BRAF: variants seen among roughly 807,000 people sequenced by gnomAD.
BRAF encodes B-Raf proto-oncogene, serine/threonine kinase.
A neutral mutation model predicts 104.6 loss-of-function variants in BRAF; 16 were observed. That is an observed-to-expected ratio of 0.15 (90% CI 0.10 to 0.23). The LOEUF is 0.23. Among genes scored for constraint, BRAF ranks in the 10% least tolerant of loss-of-function variants. BRAF has a pLI of 1.00. For synonymous variants in BRAF, 310 were observed against 341.6 expected (o/e 0.91, Z 1.02); for missense variants, 541 against 937.3 (o/e 0.58, Z 5.52).
intron 1 of BRAF, among the ~76,000 whole-genome samples, chr7:140,904,678 G>A (rs1405139316): frequency 9.9e-5 from 15 of 152,068 alleles, no homozygotes; most frequent in Admixed American, 9.2e-4. Context: ...GCACGATCTC[G>A]GCTCACTGCA....
intron 17 of BRAF, among the ~76,000 whole-genome samples, chr7:140,743,569 G>A (rs1467805992): frequency 2.0e-5 from 3 of 151,736 alleles, no homozygotes; most frequent in African/African-American, 7.3e-5. Flanking sequence ...TCTGGGGACT[G>A]TTGTGGGGTG....
At chr7:140,745,883 C>T (rs1449923706) in intron 17 of BRAF, among the ~76,000 whole-genome samples, 3 of 152,170 alleles carry the variant, frequency 2.0e-5, no homozygotes, top group African/African-American at 4.8e-5. Context: ...CTAGCAACCA[C>T]GCTGTGAGAA....
intron 1 of BRAF, among the ~76,000 whole-genome samples, chr7:140,884,656 T>C (rs762118018): frequency 6.6e-6 from 1 of 151,860 alleles, no homozygotes; most frequent in Admixed American, 6.6e-5. Context: ...ATTTTTAAAT[T>C]TTTTTGTAGA....
intron 18 of BRAF, among the ~76,000 whole-genome samples, chr7:140,738,729 G>A (rs1228611666): frequency 6.6e-6 from 1 of 152,110 alleles, no homozygotes; most frequent in African/African-American, 2.4e-5. Flanking sequence ...CGATTCTCAT[G>A]TCTCAGCCTC....
intron 3 of BRAF, among the ~76,000 whole-genome samples, chr7:140,828,331 G>GTA (rs1159682537): frequency 6.6e-6 from 1 of 152,048 alleles, no homozygotes; most frequent in Non-Finnish European, 1.5e-5. Context: ...ATTTGTTGAG[G>GTA]GTTATAGTTC....
intron 1 of BRAF, among the ~76,000 whole-genome samples, chr7:140,867,440 C>T (rs1184784000): frequency 1.3e-5 from 2 of 151,744 alleles, no homozygotes; most frequent in Admixed American, 6.6e-5. Context: ...TTAATGAGTG[C>T]CAGGGTTCTA....
chr7:140,775,372 A>G (rs1242783563), intron 14 of BRAF, among the ~76,000 whole-genome samples: 2 of 144,604 alleles, frequency 1.4e-5, no homozygotes, highest in Non-Finnish European at 3.0e-5. Flanking sequence ...TTTGAGACGG[A>G]ATTTTGCTCT....
At chr7:140,772,880 C>T (rs1334418863) in intron 14 of BRAF, among the ~76,000 whole-genome samples, 1 of 152,002 alleles carries the variant, frequency 6.6e-6, no homozygotes, top group East Asian at 1.9e-4. Context: ...TTGCTGAACA[C>T]CCCTTAAAAG....
intron 2 of BRAF, among the ~76,000 whole-genome samples, chr7:140,838,542 T>C (rs764048326): frequency 5.3e-5 from 8 of 152,214 alleles, no homozygotes; most frequent in Non-Finnish European, 1.2e-4. Context: ...GCTTCCCAAG[T>C]TGATCTACAG....
intron 17 of BRAF, chr7:140,740,631 A>C (rs955086128): frequency 6.6e-6 from 1 of 152,276 alleles, no homozygotes; most frequent in Non-Finnish European, 1.5e-5. Context: ...CAGGGAGGAC[A>C]GCCTGAGAGA....
At chr7:140,851,357 C>G (rs1809139799) in intron 1 of BRAF, among the ~76,000 whole-genome samples, 1 of 151,984 alleles carries the variant, frequency 6.6e-6, no homozygotes, top group South Asian at 2.1e-4. Flanking sequence ...ATATAACACA[C>G]AGTAGAAATT....
At chr7:140,777,390 C>T (rs1334245390) in intron 13 of BRAF, among the ~76,000 whole-genome samples, 1 of 152,108 alleles carries the variant, frequency 6.6e-6, no homozygotes, top group African/African-American at 2.4e-5. Flanking sequence ...TTAAGTGGTT[C>T]TGGTATTATA....
At chr7:140,895,653 T>A (rs544795029) in intron 1 of BRAF, among the ~76,000 whole-genome samples, 1 of 152,336 alleles carries the variant, frequency 6.6e-6, no homozygotes, top group East Asian at 1.9e-4. Flanking sequence ...CTTTTTAGCT[T>A]CCACATAAGA....
intron 1 of BRAF, among the ~76,000 whole-genome samples, chr7:140,897,497 T>C (rs867511714): frequency 4.9e-4 from 69 of 140,152 alleles, no homozygotes; most frequent in East Asian, 3.2e-3. Context: ...TTTTTTCTTT[T>C]TTTTTTTTTT....
rs569230270 is a variant in BRAF at position 140,781,824 on chromosome 7, A to G, written c.1435-131T>C. The stretch of plus-strand genomic sequence containing the variant: ...ATCCCCTTAAGAAAAATTCTCTGGA[A>G]GAATAGTAGTTAAAAGTATGACTCT... On this transcript the variant is annotated intron_variant, in intron 11 of 19. Transcript: ENST00000644969. The G allele has an allele frequency of 2.2e-4, 159 of 736,840 alleles. 2 individuals are homozygous for G. The highest frequency in any genetic ancestry group is 1.6e-3 in the South Asian group (103 of 65,104). 45.6% of individuals were successfully genotyped at this position (736,840 alleles called of 1,614,324 possible). A position where few individuals can be genotyped will look rare whatever the true frequency, so the allele number is the denominator to read the frequency against.
chr7:140,798,255 A>G (rs1802686183), intron 7 of BRAF, among the ~76,000 whole-genome samples: 1 of 69,880 alleles, frequency 1.4e-5, no homozygotes, highest in Non-Finnish European at 3.0e-5. Context: ...AGAATGCTGT[A>G]TGGGGACTTT....
chr7:140,793,733 C>T (rs2129037501), intron 8 of BRAF, among the ~76,000 whole-genome samples: 1 of 152,238 alleles, frequency 6.6e-6, no homozygotes, highest in South Asian at 2.1e-4. Context: ...TCAAGCAATC[C>T]TCCCACCTCA....
chr7:140,897,218 GGACAAACAGGTTATA>G (rs1291702659), intron 1 of BRAF, among the ~76,000 whole-genome samples: 4 of 151,812 alleles, frequency 2.6e-5, no homozygotes, highest in Non-Finnish European at 5.9e-5. Flanking sequence ...GTAGTAATGT[GGACAAACAGGTTATA>G]GACAAACAGG....
intron 1 of BRAF, among the ~76,000 whole-genome samples, chr7:140,862,906 A>G (rs1380119268): frequency 2.6e-5 from 4 of 152,200 alleles, no homozygotes; most frequent in Non-Finnish European, 5.9e-5. Context: ...AAGATAGTAG[A>G]ATAATGTTTT....
Sources: gnomAD v4.1 joint callset for allele counts (sites outside exome capture counted in the v4.1 genomes callset) on GRCh38, gnomAD v4.1.1 for gene constraint, MANE v1.5 for transcripts, NCBI Gene and HGNC (gene_info 2026-07-23, HGNC 2026-07-21) for gene names.